Variants in VPS13D observed in about 807,000 individuals in gnomAD.
VPS13D encodes intermembrane lipid transfer protein VPS13D.
Under a neutral mutation model 461.9 loss-of-function variants are expected in VPS13D, and 187 were observed. The ratio of observed to expected loss-of-function variants is 0.40; its 90% CI spans 0.36 to 0.46. VPS13D has a LOEUF of 0.46. VPS13D is among the 20% of genes least tolerant of loss of function. VPS13D has a pLI of 0.60. For synonymous variants in VPS13D, 1,951 were observed against 1,986.3 expected (o/e 0.98, Z 0.47); for missense variants, 4,711 against 5,364.9 (o/e 0.88, Z 3.81).
chr1:12,373,644 A>G, intron 54 of VPS13D, 106 bp from the exon 55 acceptor site: 2 of 610,656 alleles, frequency 3.3e-6, no homozygotes, highest in Non-Finnish European at 4.5e-6. Flanking sequence ...TCTTTTTAAT[A>G]AAAGTTTTGG....
chr1:12,479,540 T>TC (rs1361316512), intron 67 of VPS13D, among the ~76,000 whole-genome samples: 1 of 152,192 alleles, frequency 6.6e-6, no homozygotes, highest in Non-Finnish European at 1.5e-5. Context: ...TGCTATACTT[T>TC]CCCCATTGTA....
In VPS13D at chr1:12,333,327, A is replaced by G; in HGVS notation, c.8389A>G (p.Lys2797Glu). The change falls in exon 38 of 70, where the codon AAA becomes GAA. Residue 2797 changes from lysine to glutamate, a missense_variant. By Grantham distance (56) the Lys-to-Glu change is moderately conservative. Transcript: ENST00000620676. The part of the protein sequence containing the change: ...PPRLKLEAKA[K>E]PRLDINITSV... The stretch of plus-strand genomic sequence containing the variant: ...TCGACTGAAGCTAGAAGCCAAGGCC[A>G]AACCTCGTTTGGATATCAATATCAC... 2 of 1,614,192 alleles carry G rather than the reference A, an allele frequency of 1.2e-6. No homozygotes were observed. The highest frequency in any genetic ancestry group is 2.7e-5 in the African/African-American group (2 of 75,056).
At chr1:12,456,218 G>C (rs2100398550) in intron 66 of VPS13D, 88 bp downstream of exon 66, 1 of 1,490,774 alleles carries the variant, frequency 6.7e-7, no homozygotes, top group Admixed American at 2.3e-5. Context: ...AAAAAAGAAA[G>C]GTGGGCTGGG....
intron 20 of VPS13D, among the ~76,000 whole-genome samples, chr1:12,281,538 C>T (rs542196929): frequency 9.2e-5 from 14 of 152,064 alleles, no homozygotes; most frequent in African/African-American, 1.4e-4. Flanking sequence ...TGACTGGATT[C>T]GGGTTTCTTT....
At chr1:12,483,693 G>A (rs1046372009) in intron 67 of VPS13D, among the ~76,000 whole-genome samples, 4 of 152,100 alleles carry the variant, frequency 2.6e-5, no homozygotes, top group Middle Eastern at 3.2e-3. Context: ...TTTAGGAATC[G>A]CTTTGGCATT....
intron 61 of VPS13D, among the ~76,000 whole-genome samples, chr1:12,401,345 A>G (rs1354931243): frequency 6.6e-6 from 1 of 152,190 alleles, no homozygotes; most frequent in East Asian, 1.9e-4. Context: ...ACCACAGTGC[A>G]TCTGAGGCTG....
chr1:12,435,259 G>C (rs1162086999), intron 65 of VPS13D, among the ~76,000 whole-genome samples: 1 of 150,664 alleles, frequency 6.6e-6, no homozygotes, highest in African/African-American at 2.4e-5. Context: ...AGGAGTTCGA[G>C]ACCAGCCTGG....
chr1:12,411,828 A>T (rs901574681), intron 63 of VPS13D, among the ~76,000 whole-genome samples: 2 of 152,196 alleles, frequency 1.3e-5, no homozygotes, highest in South Asian at 2.1e-4. Context: ...TGTCAGCAGA[A>T]CCCCTTTCCA....
At chr1:12,415,672 G>A (rs1360361614) in intron 64 of VPS13D, among the ~76,000 whole-genome samples, 2 of 152,020 alleles carry the variant, frequency 1.3e-5, no homozygotes, top group Non-Finnish European at 2.9e-5. Context: ...AGATCAAAAA[G>A]TAAAGGCAAG....
chr1:12,488,182 T>G (rs1026806346), intron 67 of VPS13D, among the ~76,000 whole-genome samples: 1 of 152,246 alleles, frequency 6.6e-6, no homozygotes, highest in Non-Finnish European at 1.5e-5. Flanking sequence ...TACTGCACTT[T>G]CGCATTTTGG....
Position 12,507,135 on chromosome 1 carries a change from A to G in VPS13D, c.13035+42A>G, listed in dbSNP as rs373791847. The G allele has an allele frequency of 4.8e-5, 78 of 1,611,890 alleles. No homozygotes were observed. The African/African-American group carries it at 8.1e-4, about 17-fold the overall frequency. On this transcript the variant is annotated intron_variant, in intron 69 of 69. Transcript: ENST00000620676. The surrounding 1 kb of genome is among the most constrained non-coding windows in gnomAD (Gnocchi z 5.3). The stretch of plus-strand genomic sequence containing the variant: ...TCTCAGGCTCCTGAGGGGCGGGGCC[A>G]GGGCCTCGATGCCTCTGCCCTGCTT...
rs986608183 is a variant in VPS13D at position 12,507,670 on chromosome 1, G to T, written c.13035+577G>T. ...ACGTTCCTAGAGGGCTGGCTGTCTT[G>T]TGGGTTGTCTGATCACTGTGTTGCT... On this transcript the variant is annotated intron_variant, in intron 69 of 69. Coordinates refer to ENST00000620676, the MANE Select transcript of VPS13D (RefSeq NM_015378.4). This position sits in a 1 kb window ranked among gnomAD's most constrained non-coding sequence, Gnocchi z 5.3. Among the ~76,000 whole-genome samples the T allele has an allele frequency of 6.6e-6, 1 of 152,246 alleles. No individual in the cohort carries two copies. The highest frequency in any genetic ancestry group is 1.9e-4 in the East Asian group (1 of 5,196).
At chr1:12,265,850 A>G (rs528385719) in intron 13 of VPS13D, among the ~76,000 whole-genome samples, 14 of 152,324 alleles carry the variant, frequency 9.2e-5, no homozygotes, top group South Asian at 4.1e-4. Context: ...TGAAGATACT[A>G]TGAACACTGT....
chr1:12,432,101 A>C (rs1644999222), intron 65 of VPS13D, among the ~76,000 whole-genome samples: 1 of 152,184 alleles, frequency 6.6e-6, no homozygotes. Flanking sequence ...GCTGTGTGAA[A>C]GAAAAGAGCA....
chr1:12,291,190 T>C, intron 23 of VPS13D, 66 bp downstream of exon 23: 1 of 1,550,208 alleles, frequency 6.5e-7, no homozygotes, highest in East Asian at 2.3e-5. Flanking sequence ...AGATTCTTGT[T>C]GGCTAGACAA....
chr1:12,467,646 CATT>C (rs1277997227), intron 67 of VPS13D, among the ~76,000 whole-genome samples: 2 of 152,194 alleles, frequency 1.3e-5, no homozygotes, highest in African/African-American at 2.4e-5. Flanking sequence ...ATGCCATTCT[CATT>C]ATAACATAAC....
intron 18 of VPS13D, among the ~76,000 whole-genome samples, chr1:12,274,124 T>C (rs1274698736): frequency 1.3e-5 from 2 of 152,166 alleles, no homozygotes; most frequent in African/African-American, 4.8e-5. Context: ...CACTGCAACC[T>C]CTGCCTCCCA....
intron 30 of VPS13D, among the ~76,000 whole-genome samples, chr1:12,317,102 G>T (rs1327905407): frequency 6.7e-6 from 1 of 150,192 alleles, no homozygotes; most frequent in Non-Finnish European, 1.5e-5. Flanking sequence ...TGGGCTGTCA[G>T]GTCAGTTTCA....
At chr1:12,492,715 A>G (rs1645899754) in intron 67 of VPS13D, among the ~76,000 whole-genome samples, 1 of 152,256 alleles carries the variant, frequency 6.6e-6, no homozygotes, top group Non-Finnish European at 1.5e-5. Flanking sequence ...TTGTAATAGC[A>G]GAACCTGGAA....
Sources: allele counts gnomAD v4.1 joint callset (sites outside exome capture counted in the v4.1 genomes callset), GRCh38; gene constraint gnomAD v4.1.1; non-coding constraint Gnocchi (gnomAD v3.1); transcripts MANE v1.5; gene names NCBI Gene and HGNC (gene_info 2026-07-23, HGNC 2026-07-21).